The following CNTN5 variants were observed in gnomAD, a reference collection of about 807,000 sequenced individuals.
CNTN5 encodes contactin 5.
In CNTN5, 77 loss-of-function variants were observed where a neutral mutation model predicts 129.1. The ratio of observed to expected loss-of-function variants is 0.60; its 90% CI spans 0.50 to 0.72. CNTN5 has a LOEUF of 0.72. Among genes scored for constraint, CNTN5 ranks in the 30% least tolerant of loss-of-function variants. The pLI, the probability that CNTN5 is intolerant of heterozygous loss-of-function variation, is 0.00. For synonymous variants in CNTN5, 509 were observed against 465.6 expected, an observed-to-expected ratio of 1.09 and a Z score of -1.20; for missense variants, 1,478 against 1,328.8, an observed-to-expected ratio of 1.11 and a Z score of -1.75.
At chr11:99,995,659 C>G (rs1177917908) in intron 8 of CNTN5, among the ~76,000 whole-genome samples, 1 of 152,140 alleles carries the variant, frequency 6.6e-6, no homozygotes, top group Admixed American at 6.6e-5. Flanking sequence ...TGCATCCATG[C>G]TCATATGGCC....
chr11:99,317,227 G>A (rs1411975554), intron 1 of CNTN5, among the ~76,000 whole-genome samples: 1 of 152,144 alleles, frequency 6.6e-6, no homozygotes, highest in Non-Finnish European at 1.5e-5. Flanking sequence ...GGAGTTCATG[G>A]TTTTATGAAA....
At chr11:99,917,248 A>G (rs2407296) in intron 7 of CNTN5, among the ~76,000 whole-genome samples, 139,573 of 152,140 alleles carry the variant, frequency 0.92, 64,068 homozygotes, top group East Asian at 1. Context: ...GAGTTGTACC[A>G]CTCCAATTCC....
At chr11:99,676,676 TAACA>T (rs777200599) in intron 3 of CNTN5, among the ~76,000 whole-genome samples, 8 of 152,100 alleles carry the variant, frequency 5.3e-5, no homozygotes, top group Admixed American at 1.3e-4. Flanking sequence ...AAAACATATG[TAACA>T]AACCTGCACG....
chr11:99,845,286 T>G (rs1225458398), intron 6 of CNTN5, 24 bp downstream of exon 6: 1 of 1,473,848 alleles, frequency 6.8e-7, no homozygotes, highest in Admixed American at 1.8e-5. Flanking sequence ...ATGATTTTTC[T>G]ATATATATGT....
chr11:99,524,813 A>C lies in CNTN5; in HGVS notation c.-70-31332A>C, dbSNP rs186268365. Among the ~76,000 whole-genome samples, 853 of 149,780 alleles carry C rather than the reference A, an allele frequency of 5.7e-3. 43 individuals are homozygous for C. Among genetic ancestry groups the C allele is most frequent in the Admixed American group, 0.055 (826 of 15,096 alleles). ...GCAAGATTCCATCTCAAAAAAAAAC[A>C]AAAAAAAAGTGTATTTATATGTATA... On this transcript the variant is annotated intron_variant, in intron 2 of 24. Transcript: ENST00000524871.
rs1437532961 is a variant in CNTN5, at chr11:99,253,721, C to A, written c.-209-71625C>A. On this transcript the variant is annotated intron_variant, in intron 1 of 24. Coordinates refer to ENST00000524871, the MANE Select transcript of CNTN5 (RefSeq NM_014361.4). ...TCGTTGCTGTATAATTTTTATTATA[C>A]ATATAATGGGTATTTTTATATTGTT... 2.6e-5 allele frequency among the ~76,000 whole-genome samples: 4 copies of A among 151,612 alleles called. No homozygotes were observed. The East Asian group carries it at 7.8e-4, about 29-fold the overall frequency.
Position 99,630,365 on chromosome 11 carries a change from A to G in CNTN5, c.55+74096A>G, listed in dbSNP as rs1395248786. ...TCAGGACATCAGGGTGGCAGGGTTT[A>G]TAAGGAGACTTTCCTTTAGTCTAAT... On this transcript the variant is annotated intron_variant, in intron 3 of 24. Coordinates refer to ENST00000524871, the MANE Select transcript of CNTN5 (RefSeq NM_014361.4). Among the ~76,000 whole-genome samples, 3 of 152,164 alleles carry G rather than the reference A, an allele frequency of 2.0e-5. No homozygotes were observed. The East Asian group carries it at 5.8e-4, about 29-fold the overall frequency.
intron 2 of CNTN5, among the ~76,000 whole-genome samples, chr11:99,418,897 T>C (rs534145708): frequency 6.6e-6 from 1 of 152,278 alleles, no homozygotes; most frequent in Non-Finnish European, 1.5e-5. Context: ...GTGTGAATTG[T>C]GGAAAAGTTC....
At chr11:100,343,737 C>T (rs1952217090) in intron 23 of CNTN5, among the ~76,000 whole-genome samples, 2 of 152,106 alleles carry the variant, frequency 1.3e-5, no homozygotes, top group Non-Finnish European at 2.9e-5. Context: ...ACTGTACCAT[C>T]TGAAGGTGCA....
intron 13 of CNTN5, among the ~76,000 whole-genome samples, chr11:100,094,487 AG>A (rs1311208027): frequency 1.3e-5 from 2 of 152,214 alleles, no homozygotes; most frequent in Non-Finnish European, 2.9e-5. Flanking sequence ...AAACCTTTTA[AG>A]ACTTTAATGT....
chr11:99,385,620 C>A (rs1418404975), intron 2 of CNTN5, among the ~76,000 whole-genome samples: 1 of 152,138 alleles, frequency 6.6e-6, no homozygotes, highest in East Asian at 1.9e-4. Context: ...TAATGCAGAA[C>A]TCTTGTATTT....
intron 1 of CNTN5, among the ~76,000 whole-genome samples, chr11:99,204,734 A>G (rs1859389239): frequency 6.6e-6 from 1 of 152,128 alleles, no homozygotes; most frequent in Non-Finnish European, 1.5e-5. Flanking sequence ...AAGTTAAGTA[A>G]ATGGCCTTCA....
chr11:99,610,047 G>A (rs923323273), intron 3 of CNTN5, among the ~76,000 whole-genome samples: 5 of 152,022 alleles, frequency 3.3e-5, no homozygotes, highest in Non-Finnish European at 5.9e-5. Flanking sequence ...TGAAGAAATC[G>A]AGATTCAGGT....
chr11:99,233,173 T>G (rs1861090319), intron 1 of CNTN5, among the ~76,000 whole-genome samples: 1 of 152,192 alleles, frequency 6.6e-6, no homozygotes, highest in African/African-American at 2.4e-5. Flanking sequence ...TTTATAGTGC[T>G]TTGTCACAGC....
At chr11:99,091,962 C>A (rs113513909) in intron 1 of CNTN5, among the ~76,000 whole-genome samples, 3,339 of 152,204 alleles carry the variant, frequency 0.022, 58 homozygotes, top group Middle Eastern at 0.065. Context: ...CAAATTACAG[C>A]ATTTTTATTA....
At chr11:100,190,775 G>C (rs1311282848) in intron 13 of CNTN5, among the ~76,000 whole-genome samples, 1 of 150,638 alleles carries the variant, frequency 6.6e-6, no homozygotes, top group Non-Finnish European at 1.5e-5. Context: ...TTGGTTTTAG[G>C]TGAAATACTC....
chr11:99,709,309 G>T (rs952717472), intron 3 of CNTN5, among the ~76,000 whole-genome samples: 1 of 151,654 alleles, frequency 6.6e-6, no homozygotes, highest in Non-Finnish European at 1.5e-5. Flanking sequence ...CTGTATGATT[G>T]CCACTAAGTT....
At chr11:99,107,765 A>G (rs1012853500) in intron 1 of CNTN5, among the ~76,000 whole-genome samples, 30 of 151,728 alleles carry the variant, frequency 2.0e-4, no homozygotes, top group African/African-American at 7.3e-4. Context: ...CCCCGTCTCT[A>G]CTAAAAATAC....
chr11:99,416,403 C>A (rs1052529277), intron 2 of CNTN5, among the ~76,000 whole-genome samples: 4 of 152,014 alleles, frequency 2.6e-5, no homozygotes, highest in African/African-American at 9.7e-5. Flanking sequence ...GCCATAGCCT[C>A]CCCAGTAGCT....
Sources: allele counts gnomAD v4.1 joint callset (sites outside exome capture counted in the v4.1 genomes callset), GRCh38; gene constraint gnomAD v4.1.1; transcripts MANE v1.5; gene names NCBI Gene and HGNC (gene_info 2026-07-23, HGNC 2026-07-21).